PTPN2: variants seen among roughly 807,000 people sequenced by gnomAD.
PTPN2 encodes the protein protein tyrosine phosphatase non-receptor type 2, also known as tyrosine-protein phosphatase non-receptor type 2.
In PTPN2, 19 loss-of-function variants were observed where a neutral mutation model predicts 57.3. The observed-to-expected ratio is 0.33, with a 90% CI of 0.23 to 0.49. PTPN2 has a LOEUF of 0.49. Among genes scored for constraint, PTPN2 ranks in the 20% least tolerant of loss-of-function variants. PTPN2 has a pLI of 0.99. For synonymous variants in PTPN2, 153 were observed against 164.9 expected, an observed-to-expected ratio of 0.93 and a Z score of 0.55; for missense variants, 358 against 501.1, an observed-to-expected ratio of 0.71 and a Z score of 2.73.
chr18:12,786,059 C>T (rs987726171), intron 9 of PTPN2: 31 of 546,436 alleles, frequency 5.7e-5, no homozygotes, highest in East Asian at 6.5e-5. Context: ...TGGTGTGACG[C>T]GGCCTCATGT....
intron 7 of PTPN2, among the ~76,000 whole-genome samples, chr18:12,803,896 A>T (rs2041522773): frequency 1.3e-5 from 2 of 152,174 alleles, no homozygotes; most frequent in Non-Finnish European, 2.9e-5. Flanking sequence ...ACATTTACAG[A>T]ACATTCCCTC....
chr18:12,841,131 T>C (rs1442071438), intron 2 of PTPN2: 1 of 347,068 alleles, frequency 2.9e-6, no homozygotes, highest in Non-Finnish European at 4.1e-6. Flanking sequence ...GGGAAGGAGC[T>C]TGAGTAGTTG....
intron 1 of PTPN2, among the ~76,000 whole-genome samples, chr18:12,875,482 G>C (rs1436603507): frequency 1.3e-5 from 2 of 151,830 alleles, no homozygotes; most frequent in Non-Finnish European, 2.9e-5. Flanking sequence ...TTAGTATATG[G>C]CTAATCACTC....
chr18:12,846,280 G>T (rs2043202609), intron 2 of PTPN2, among the ~76,000 whole-genome samples: 1 of 151,916 alleles, frequency 6.6e-6, no homozygotes, highest in Admixed American at 6.6e-5. Flanking sequence ...TTTTGTAAAG[G>T]GATACTTCAA....
At chr18:12,835,469 G>A (rs1204718546) in intron 3 of PTPN2, among the ~76,000 whole-genome samples, 9 of 133,344 alleles carry the variant, frequency 6.7e-5, no homozygotes, top group South Asian at 4.9e-4. Context: ...TCCACCTCCC[G>A]GGTTCAAGCG....
chr18:12,881,575 G>A (rs1302968153), intron 1 of PTPN2, among the ~76,000 whole-genome samples: 2 of 152,174 alleles, frequency 1.3e-5, no homozygotes, highest in Non-Finnish European at 2.9e-5. Flanking sequence ...CCAGTCTCCA[G>A]GCTAAACTGT....
At chr18:12,873,583 C>T (rs1368911554) in intron 1 of PTPN2, among the ~76,000 whole-genome samples, 1 of 152,232 alleles carries the variant, frequency 6.6e-6, no homozygotes, top group Non-Finnish European at 1.5e-5. Context: ...GTCTGGTTCA[C>T]TCAGTGCTCA....
At chr18:12,847,620 T>C (rs1255777008) in intron 2 of PTPN2, among the ~76,000 whole-genome samples, 1 of 150,562 alleles carries the variant, frequency 6.6e-6, no homozygotes, top group Non-Finnish European at 1.5e-5. Context: ...ATTAAAGATT[T>C]TTTTTTTTTT....
chr18:12,793,980 T>G lies in PTPN2; in HGVS notation c.*298A>C. 1 of 1,225,450 alleles carries G rather than the reference T, an allele frequency of 8.2e-7. No individual in the cohort carries two copies. The highest frequency in any genetic ancestry group is 2.3e-5 in the South Asian group (1 of 43,454). 75.9% of individuals were successfully genotyped at this position (1,225,450 alleles called of 1,614,324 possible). On this transcript the variant is annotated 3_prime_UTR_variant, in exon 9 of 9. Transcript: ENST00000309660. ...AATCCTGTGATAAAGGATATCTCAA[T>G]GTTGGTCAGGTGAAATACTGTGTTT...
chr18:12,814,446 C>A lies in PTPN2; in HGVS notation c.706-91G>T, dbSNP rs1401180993. On this transcript the variant is annotated intron_variant, in intron 6 of 8. Coordinates refer to ENST00000309660, the MANE Select transcript of PTPN2 (RefSeq NM_002828.4). ...GATCATTGCTAAGATTTTTGCTATGCATTTTCTCCTCTGAAAGAACAACGA... is the reference window on the plus strand; with the variant it reads ...GATCATTGCTAAGATTTTTGCTATGAATTTTCTCCTCTGAAAGAACAACGA... The A allele has an allele frequency of 6.4e-6, 7 of 1,086,628 alleles. No individual in the cohort carries two copies. The African/African-American group carries it at 9.6e-5, about 15-fold the overall frequency. The allele number at this position is 1,086,628 out of a possible 1,614,324, so 67.3% of individuals were successfully genotyped here. A position where few individuals can be genotyped will look rare whatever the true frequency, so the allele number is the denominator to read the frequency against.
intron 1 of PTPN2, among the ~76,000 whole-genome samples, chr18:12,860,792 C>A (rs1395235556): frequency 1.6e-5 from 1 of 64,096 alleles, no homozygotes; most frequent in African/African-American, 3.2e-5. Flanking sequence ...ACATAGAAGA[C>A]ATTCTGTAAG....
intron 2 of PTPN2, among the ~76,000 whole-genome samples, chr18:12,857,841 G>A (rs1210141263): frequency 6.6e-6 from 1 of 152,158 alleles, no homozygotes; most frequent in South Asian, 2.1e-4. Context: ...ACTTCTAACT[G>A]GTAGTAAAGA....
chr18:12,789,892 ATG>A (rs2040940154), downstream of PTPN2, among the ~76,000 whole-genome samples: 1 of 151,062 alleles, frequency 6.6e-6, no homozygotes, highest in African/African-American at 2.4e-5. Flanking sequence ...ATATATATGT[ATG>A]TATATATGTA....
chr18:12,875,380 T>C (rs2044453370), intron 1 of PTPN2, among the ~76,000 whole-genome samples: 1 of 152,080 alleles, frequency 6.6e-6, no homozygotes, highest in Non-Finnish European at 1.5e-5. Flanking sequence ...AGTGAGAGCT[T>C]ATATTCTTTA....
At chr18:12,817,091 G>T in intron 6 of PTPN2, 65 bp downstream of exon 6, 2 of 1,429,028 alleles carry the variant, frequency 1.4e-6, no homozygotes, top group Non-Finnish European at 1.9e-6. Flanking sequence ...TTTATTCACT[G>T]CCAGTGGAAG....
At chr18:12,875,494 T>C (rs112331659) in intron 1 of PTPN2, among the ~76,000 whole-genome samples, 28 of 150,230 alleles carry the variant, frequency 1.9e-4, no homozygotes, top group African/African-American at 6.8e-4. Flanking sequence ...TAATCACTCT[T>C]ATCCAAAGTA....
rs781056280 is a variant in PTPN2 at position 12,814,174 on chromosome 18, A to T, written c.858+29T>A. On this transcript the variant is annotated intron_variant, in intron 7 of 8. Coordinates refer to ENST00000309660, the MANE Select transcript of PTPN2 (RefSeq NM_002828.4). Reference sequence around the variant, plus strand: ...GATGCTATGTGTATTTAACAAATAGATATGATTTAAAACCTGTATGAAGTT... The same window carrying T: ...GATGCTATGTGTATTTAACAAATAGTTATGATTTAAAACCTGTATGAAGTT... 4.7e-6 allele frequency: 7 copies of T among 1,482,084 alleles called. No homozygotes were observed. The Admixed American group carries it at 1.3e-4, about 28-fold the overall frequency. The allele number at this position is 1,482,084 out of a possible 1,614,324, so 91.8% of individuals were successfully genotyped here. A position where few individuals can be genotyped will look rare whatever the true frequency, so the allele number is the denominator to read the frequency against.
intron 4 of PTPN2, among the ~76,000 whole-genome samples, chr18:12,827,727 A>G (rs2145361065): frequency 6.6e-6 from 1 of 152,202 alleles, no homozygotes; most frequent in East Asian, 1.9e-4. Context: ...AAATAAAGAG[A>G]TAAACAGGAT....
At chr18:12,882,501 T>C (rs949411154) in intron 1 of PTPN2, among the ~76,000 whole-genome samples, 3 of 152,252 alleles carry the variant, frequency 2.0e-5, no homozygotes, top group Non-Finnish European at 2.9e-5. Context: ...AATTAAGTTA[T>C]ATTCACTTTT....
Sources: allele counts gnomAD v4.1 joint callset (sites outside exome capture counted in the v4.1 genomes callset), GRCh38; gene constraint gnomAD v4.1.1; transcripts MANE v1.5; gene names NCBI Gene and HGNC (gene_info 2026-07-23, HGNC 2026-07-21).